NDRG4: variants seen among roughly 807,000 people sequenced by gnomAD.
NDRG4 encodes NDRG family member 4, also known as protein NDRG4.
NDRG4 carries 38 observed loss-of-function variants against 55.8 expected under a neutral mutation model. That is an observed-to-expected ratio of 0.68 (90% confidence interval 0.53 to 0.89). The LOEUF (loss-of-function observed/expected upper bound fraction) is 0.89, where lower values mean the gene tolerates loss of function less well. Ranked by LOEUF, NDRG4 falls within the 40% of genes least tolerant of loss-of-function variation. The pLI, the probability that NDRG4 is intolerant of heterozygous loss-of-function variation, is 0.00. For synonymous variants in NDRG4, 190 were observed against 182.7 expected (o/e 1.04, Z -0.32); for missense variants, 455 against 468.6 (o/e 0.97, Z 0.27).
chr16:58,500,425 C>G, intron 1 of NDRG4, 156 bp downstream of exon 1: 1 of 1,019,370 alleles, frequency 9.8e-7, no homozygotes, highest in Non-Finnish European at 1.4e-6. Context: ...GGCCAGAGTG[C>G]TCCAGGTTCC....
chr16:58,496,207 C>T (rs768723305), upstream of NDRG4, among the ~76,000 whole-genome samples: 1 of 151,986 alleles, frequency 6.6e-6, no homozygotes, highest in Non-Finnish European at 1.5e-5. Flanking sequence ...ATCCTGGAGT[C>T]GTGGAGGAGA....
chr16:58,504,819 G>A, intron 5 of NDRG4, 170 bp downstream of exon 5: 1 of 652,882 alleles, frequency 1.5e-6, no homozygotes, highest in Non-Finnish European at 2.6e-6. Flanking sequence ...TTTCCTCCAG[G>A]GAAATTAACT....
Position 58,464,826 on chromosome 16 carries a change from C to G in NDRG4, c.-24+1029C>G. ...GGACCCGTGGGCTTCTGGCAGGACCCGCGCCATGGACCTCTTATTTCTGCG... is the reference window on the plus strand; with the variant it reads ...GGACCCGTGGGCTTCTGGCAGGACCGGCGCCATGGACCTCTTATTTCTGCG... On this transcript the variant is annotated intron_variant, in intron 1 of 15. Transcript: ENST00000258187. The surrounding 1 kb of genome is among the most constrained non-coding windows in gnomAD (Gnocchi z 4.8). The G allele has an allele frequency of 8.0e-7, 1 of 1,247,084 alleles. No individual in the cohort carries two copies. The highest frequency in any genetic ancestry group is 1.0e-6 in the Non-Finnish European group (1 of 989,464). The allele number at this position is 1,247,084 out of a possible 1,614,324, so 77.3% of individuals were successfully genotyped here.
intron 1 of NDRG4, among the ~76,000 whole-genome samples, chr16:58,470,445 C>T (rs1246710949): frequency 1.3e-5 from 2 of 152,130 alleles, no homozygotes. Flanking sequence ...TGGAAGGAGG[C>T]TGTGTTGGGC....
At chr16:58,500,955 G>C (rs1175500652) in intron 1 of NDRG4, 3 of 1,219,080 alleles carry the variant, frequency 2.5e-6, no homozygotes, top group Non-Finnish European at 3.1e-6. Flanking sequence ...GGGGAGGAAC[G>C]AGGAGGGGTT....
At chr16:58,477,993 C>T (rs968221790) in intron 1 of NDRG4, among the ~76,000 whole-genome samples, 1 of 152,134 alleles carries the variant, frequency 6.6e-6, no homozygotes, top group Non-Finnish European at 1.5e-5. Flanking sequence ...CTCCTTCTGT[C>T]GTATTCTTGC....
At chr16:58,482,850 G>A (rs2034629078) in intron 1 of NDRG4, among the ~76,000 whole-genome samples, 1 of 150,946 alleles carries the variant, frequency 6.6e-6, no homozygotes, top group Non-Finnish European at 1.5e-5. Flanking sequence ...CCAGTGGAGT[G>A]CAGCTCACTG....
intron 1 of NDRG4, among the ~76,000 whole-genome samples, chr16:58,502,497 C>G (rs1040648332): frequency 6.6e-6 from 1 of 152,196 alleles, no homozygotes; most frequent in Non-Finnish European, 1.5e-5. Flanking sequence ...CAGCTTGTCA[C>G]TCCACACTGG....
intron 1 of NDRG4, among the ~76,000 whole-genome samples, chr16:58,476,335 A>G (rs2033627869): frequency 6.6e-6 from 1 of 152,170 alleles, no homozygotes; most frequent in South Asian, 2.1e-4. Context: ...GGAATGTGTT[A>G]TTGGAATTCT....
At chr16:58,483,747 A>G (rs1487679498) in intron 1 of NDRG4, among the ~76,000 whole-genome samples, 2 of 152,232 alleles carry the variant, frequency 1.3e-5, no homozygotes, top group East Asian at 1.9e-4. Flanking sequence ...TTCCATTCAA[A>G]TATGTACAAA....
chr16:58,512,273 C>T lies in NDRG4; in HGVS notation c.*697C>T. 2.8e-6 allele frequency: 1 copy of T among 359,060 alleles called. No homozygotes were observed. 22.2% of individuals were successfully genotyped at this position (359,060 alleles called of 1,614,324 possible). A position where few individuals can be genotyped will look rare whatever the true frequency, so the allele number is the denominator to read the frequency against. ...GCCACCTCCTGGCCCTGTCCCAATT[C>T]TGAGCCAAGGCCTCCCCGAGGCAGA... is the stretch of plus-strand genomic sequence containing the variant. On this transcript the variant is annotated 3_prime_UTR_variant, in exon 15 of 15. Coordinates refer to ENST00000570248, the MANE Select transcript of NDRG4 (RefSeq NM_001242835.2).
intron 5 of NDRG4, among the ~76,000 whole-genome samples, chr16:58,505,713 C>CTT (rs1028370131): frequency 3.1e-4 from 18 of 58,636 alleles, no homozygotes; most frequent in South Asian, 6.4e-4. Context: ...GCTTCATTTT[C>CTT]TTTTTTTTTT....
intron 1 of NDRG4, among the ~76,000 whole-genome samples, chr16:58,484,206 C>A (rs2034803478): frequency 6.6e-6 from 1 of 152,084 alleles, no homozygotes; most frequent in African/African-American, 2.4e-5. Context: ...CTCATTTCTA[C>A]TAAAAATACA....
chr16:58,511,945 G>C lies in NDRG4; in HGVS notation c.*369G>C. 2.2e-6 allele frequency: 1 copy of C among 458,182 alleles called. No individual in the cohort carries two copies. 28.4% of individuals were successfully genotyped at this position (458,182 alleles called of 1,614,324 possible). On this transcript the variant is annotated 3_prime_UTR_variant, in exon 15 of 15. Transcript: ENST00000570248. The stretch of plus-strand genomic sequence containing the variant: ...TGAGAGAGGCTTCGAGAGGGTGGGT[G>C]CTGGGCCACAGGGGTGCGGGGCCAG...
intron 13 of NDRG4, among the ~76,000 whole-genome samples, chr16:58,509,943 C>T (rs553154894): frequency 6.6e-6 from 1 of 151,678 alleles, no homozygotes; most frequent in Non-Finnish European, 1.5e-5. Flanking sequence ...CACACAGACA[C>T]ACACACACAC....
rs962946784 is a variant in NDRG4 at position 58,487,917 on chromosome 16, C to G, written c.72+67C>G. On this transcript the variant is annotated intron_variant, in intron 2 of 15. Transcript: ENST00000258187. ...GCCACCTCGTGGCCAAGAGGGAGAC[C>G]GCGTGCCTTTCCTGCAGCCGACCCT... 4.8e-6 allele frequency: 6 copies of G among 1,250,560 alleles called. No homozygotes were observed. In the African/African-American group the frequency reaches 9.2e-5, roughly 19 times the overall value. 77.5% of individuals were successfully genotyped at this position (1,250,560 alleles called of 1,614,324 possible).
upstream of NDRG4, chr16:58,499,725 C>T: frequency 5.5e-6 from 1 of 182,244 alleles, no homozygotes; most frequent in Non-Finnish European, 1.2e-5. Flanking sequence ...GGGTCAAGGG[C>T]TCTAGCTGTC....
intron 14 of NDRG4, 156 bp downstream of exon 14, chr16:58,510,839 TTCTGCAGGCTTGGCC>T (rs2151852750): frequency 1.4e-6 from 1 of 720,438 alleles, no homozygotes; most frequent in African/African-American, 1.7e-5. Flanking sequence ...ATTCTTGCTT[TTCTGCAGGCTTGGCC>T]TCTAGGTTGG....
At chr16:58,498,028 G>T (rs377386905), upstream of NDRG4, among the ~76,000 whole-genome samples, 1 of 152,132 alleles carries the variant, frequency 6.6e-6, no homozygotes, top group Non-Finnish European at 1.5e-5. Flanking sequence ...CACGTCTGTG[G>T]GTTTGCAGAC....
Sources: gnomAD v4.1 joint callset for allele counts (sites outside exome capture counted in the v4.1 genomes callset) on GRCh38, gnomAD v4.1.1 for gene constraint, Gnocchi (gnomAD v3.1) non-coding constraint, MANE v1.5 for transcripts, NCBI Gene and HGNC (gene_info 2026-07-23, HGNC 2026-07-21) for gene names.